Variants in STARD13 observed in about 807,000 individuals in gnomAD.
STARD13 encodes the protein stAR-related lipid transfer protein 13.
In STARD13, 62 loss-of-function variants were observed where a neutral mutation model predicts 106.4. That is an observed-to-expected ratio of 0.58 (90% CI 0.48 to 0.72). STARD13 has a LOEUF of 0.72. Among genes scored for constraint, STARD13 ranks in the 30% least tolerant of loss-of-function variants. The probability of loss-of-function intolerance (pLI) is 0.00; values close to 1 mark genes in which losing one functional copy is unlikely to be tolerated. For synonymous variants in STARD13, 565 were observed against 553.0 expected (o/e 1.02, Z -0.31); for missense variants, 1,387 against 1,424.0 (o/e 0.97, Z 0.42).
intron 1 of STARD13, among the ~76,000 whole-genome samples, chr13:33,328,717 C>T (rs2077803814): frequency 6.6e-6 from 1 of 152,180 alleles, no homozygotes; most frequent in Non-Finnish European, 1.5e-5. Flanking sequence ...CAAATAGGGG[C>T]CCTTGAGTCA....
intron 3 of STARD13, among the ~76,000 whole-genome samples, chr13:33,165,061 C>T (rs919786710): frequency 1.3e-5 from 2 of 152,122 alleles, no homozygotes; most frequent in African/African-American, 4.8e-5. Context: ...AACTTTCCCC[C>T]TCCTTCTTTC....
At chr13:33,358,497 A>G in the STARD13 span, among the ~76,000 whole-genome samples, 1 of 152,274 alleles carries the variant, frequency 6.6e-6, no homozygotes, top group African/African-American at 2.4e-5. Flanking sequence ...GATTGTAAAT[A>G]CACCAATCAG....
At chr13:33,156,690 AT>A (rs1333672666) in intron 3 of STARD13, among the ~76,000 whole-genome samples, 2 of 152,186 alleles carry the variant, frequency 1.3e-5, no homozygotes, top group African/African-American at 4.8e-5. Flanking sequence ...ACAGTCAAGA[AT>A]GCTGAAGAGC....
chr13:33,442,787 T>C, the STARD13 span, among the ~76,000 whole-genome samples: 2 of 152,150 alleles, frequency 1.3e-5, no homozygotes, highest in African/African-American at 2.4e-5. Context: ...CCCAGGAAAA[T>C]TGATGAGGCA....
rs1338444607 is a variant in STARD13 at position 33,105,293 on chromosome 13, G to A, written c.*300C>T. ...TTTACAGTTAGGTATACGCTTCTTA[G>A]AAGCCTTTAAATAGCAAATTAGGCA... is the stretch of plus-strand genomic sequence containing the variant. On this transcript the variant is annotated 3_prime_UTR_variant, in exon 14 of 14. Coordinates refer to ENST00000336934, the MANE Select transcript of STARD13 (RefSeq NM_178006.4). 1.2e-5 allele frequency: 4 copies of A among 322,326 alleles called. No individual in the cohort carries two copies. The East Asian group carries it at 2.2e-4, about 18-fold the overall frequency. The allele number at this position is 322,326 out of a possible 1,614,324, so 20.0% of individuals were successfully genotyped here. A position where few individuals can be genotyped will look rare whatever the true frequency, so the allele number is the denominator to read the frequency against.
At chr13:33,294,685 T>A (rs1892420628) in intron 1 of STARD13, among the ~76,000 whole-genome samples, 1 of 152,218 alleles carries the variant, frequency 6.6e-6, no homozygotes, top group African/African-American at 2.4e-5. Context: ...TTTCAATGAA[T>A]TGCTTAGATT....
the STARD13 span, among the ~76,000 whole-genome samples, chr13:33,439,278 AGCTATACAAAT>A: frequency 1.3e-5 from 2 of 152,244 alleles, no homozygotes; most frequent in Non-Finnish European, 2.9e-5. Context: ...CAAATACAAA[AGCTATACAAAT>A]AAACCACTAC....
chr13:33,647,006 C>T, the STARD13 span, among the ~76,000 whole-genome samples: 1 of 151,880 alleles, frequency 6.6e-6, no homozygotes, highest in African/African-American at 2.4e-5. Flanking sequence ...GTATGCAGCC[C>T]CCCCTAAAAT....
the STARD13 span, among the ~76,000 whole-genome samples, chr13:33,672,451 CA>C: frequency 6.6e-6 from 1 of 152,176 alleles, no homozygotes; most frequent in Non-Finnish European, 1.5e-5. Context: ...TTGACAGGTG[CA>C]GCAAACCACC....
chr13:33,268,067 G>A (rs1005624553), intron 1 of STARD13, among the ~76,000 whole-genome samples: 4 of 152,210 alleles, frequency 2.6e-5, no homozygotes, highest in African/African-American at 9.6e-5. Flanking sequence ...GGTTAGACAC[G>A]CTTCTGTCAA....
At chr13:33,122,186 T>C (rs943782210) in intron 7 of STARD13, among the ~76,000 whole-genome samples, 109 of 152,320 alleles carry the variant, frequency 7.2e-4, no homozygotes, top group African/African-American at 2.5e-3. Flanking sequence ...TTCACCATGT[T>C]GGCCAGGCTG....
intron 3 of STARD13, among the ~76,000 whole-genome samples, chr13:33,163,602 A>T (rs1882902590): frequency 1.1e-5 from 1 of 89,610 alleles, no homozygotes; most frequent in African/African-American, 3.5e-5. Flanking sequence ...AAAAAAAAAA[A>T]AAAATATATA....
the STARD13 span, among the ~76,000 whole-genome samples, chr13:33,366,394 G>A: frequency 7.9e-5 from 12 of 152,202 alleles, no homozygotes; most frequent in African/African-American, 2.9e-4. The surrounding 1 kb of genome is among the most constrained non-coding windows in gnomAD (Gnocchi z 4.2). Flanking sequence ...TTTTCAGAGC[G>A]AGGTTATCTC....
At chr13:33,350,225 C>A (rs986604031) in intron 1 of STARD13, 31 of 1,459,048 alleles carry the variant, frequency 2.1e-5, no homozygotes, top group Non-Finnish European at 2.6e-5. Flanking sequence ...GCGGCGGGCC[C>A]GGGCGGGCTA....
At chr13:33,214,799 A>G (rs1160878525) in intron 1 of STARD13, among the ~76,000 whole-genome samples, 1 of 151,980 alleles carries the variant, frequency 6.6e-6, no homozygotes, top group Non-Finnish European at 1.5e-5. Context: ...TGAGTTTCTA[A>G]AACAACCAGA....
chr13:33,503,899 A>G, the STARD13 span, among the ~76,000 whole-genome samples: 1 of 152,200 alleles, frequency 6.6e-6, no homozygotes, highest in Non-Finnish European at 1.5e-5. Context: ...ACTTAAACAA[A>G]TTTACAAGAA....
chr13:33,544,724 T>C, the STARD13 span, among the ~76,000 whole-genome samples: 1 of 151,850 alleles, frequency 6.6e-6, no homozygotes, highest in Non-Finnish European at 1.5e-5. Context: ...ATGAATCATT[T>C]AAATCAGGGA....
At chr13:33,157,484 A>G (rs977815602) in intron 3 of STARD13, among the ~76,000 whole-genome samples, 1 of 152,166 alleles carries the variant, frequency 6.6e-6, no homozygotes, top group Non-Finnish European at 1.5e-5. Context: ...CCTGGCCAAC[A>G]TGGAGAAACC....
At chr13:33,513,592 T>C in the STARD13 span, among the ~76,000 whole-genome samples, 1 of 152,140 alleles carries the variant, frequency 6.6e-6, no homozygotes, top group Non-Finnish European at 1.5e-5. Context: ...CCATATCCTC[T>C]CTGAAGATGC....
Sources: allele counts gnomAD v4.1 joint callset (sites outside exome capture counted in the v4.1 genomes callset), GRCh38; gene constraint gnomAD v4.1.1; non-coding constraint Gnocchi (gnomAD v3.1); transcripts MANE v1.5; gene names NCBI Gene and HGNC (gene_info 2026-07-23, HGNC 2026-07-21).